The following KALRN variants were observed in gnomAD, a reference collection of about 807,000 sequenced individuals.
KALRN encodes kalirin RhoGEF kinase, also known as kalirin.
KALRN carries 70 observed loss-of-function variants against 353.7 expected under a neutral mutation model. The ratio of observed to expected loss-of-function variants is 0.20; its 90% CI spans 0.16 to 0.24. The LOEUF (loss-of-function observed/expected upper bound fraction) is 0.24. Ranked by LOEUF, KALRN falls within the 10% of genes least tolerant of loss-of-function variation. The pLI is 1.00. For missense variants in KALRN, 2,791 were observed against 3,756.7 expected (o/e 0.74, Z 6.72); for synonymous variants, 1,391 against 1,434.8 (o/e 0.97, Z 0.69).
chr3:124,207,110 G>A (rs958619062), intron 1 of KALRN, among the ~76,000 whole-genome samples: 6 of 152,214 alleles, frequency 3.9e-5, no homozygotes, highest in African/African-American at 1.4e-4. Context: ...CATCATCCAA[G>A]GTGAGGAGTC....
At chr3:124,431,695 TA>T (rs534714293) in intron 16 of KALRN, among the ~76,000 whole-genome samples, 90 of 150,190 alleles carry the variant, frequency 6.0e-4, no homozygotes, top group Admixed American at 1.0e-3. Flanking sequence ...TATCTTTTAC[TA>T]AAAAAAAAAT....
intron 3 of KALRN, among the ~76,000 whole-genome samples, chr3:124,253,823 A>T (rs754378): frequency 0.62 from 93,766 of 152,082 alleles, 31,734 homozygotes; most frequent in Non-Finnish European, 0.75. Flanking sequence ...CCCAGGCCAA[A>T]GGAACCAGCC....
intron 14 of KALRN, among the ~76,000 whole-genome samples, chr3:124,421,426 C>A (rs561670429): frequency 6.6e-6 from 1 of 152,278 alleles, no homozygotes; most frequent in Non-Finnish European, 1.5e-5. Context: ...TATTGTGTAT[C>A]ATGTACATAC....
In KALRN at chr3:124,671,752, C is replaced by T. The variant is rs146809556; in HGVS notation, c.6796C>T (p.Pro2266Ser). ...CAGGCTTCCCCAAGCCAGCCCCAGG[C>T]CCTACTCCTCTGTTCCTGCGGGCTC... ...PARLPQASPRPYSSVPAGSEK... is the reference protein window; with the variant it reads ...PARLPQASPRSYSSVPAGSEK... Residue 2266 changes from proline (P) to serine (S), a missense_variant, in exon 48 of 60, where the codon CCC becomes TCC. Pro to Ser is a moderately conservative substitution (Grantham distance 74). Coordinates refer to ENST00000682506, the MANE Select transcript of KALRN (RefSeq NM_001388419.1). 208 of 1,614,088 alleles carry T rather than the reference C, an allele frequency of 1.3e-4. No individual in the cohort carries two copies. In the East Asian group the frequency reaches 4.5e-3, roughly 35 times the overall value.
intron 6 of KALRN, among the ~76,000 whole-genome samples, chr3:124,304,142 A>T: frequency 6.6e-6 from 1 of 150,616 alleles, no homozygotes; most frequent in Non-Finnish European, 1.5e-5. Context: ...ACACACACAC[A>T]CACACACACA....
intron 9 of KALRN, among the ~76,000 whole-genome samples, chr3:124,338,404 A>G (rs1338971444): frequency 6.6e-6 from 1 of 152,194 alleles, no homozygotes; most frequent in Admixed American, 6.5e-5. Context: ...CCCAGTAGTC[A>G]TTCAGGAGCA....
chr3:124,540,925 T>TA (rs1418473356), intron 33 of KALRN, among the ~76,000 whole-genome samples: 3 of 152,214 alleles, frequency 2.0e-5, no homozygotes, highest in Non-Finnish European at 4.4e-5. Flanking sequence ...TTGTTCTCCC[T>TA]ATTACTCTGG....
intron 9 of KALRN, among the ~76,000 whole-genome samples, chr3:124,340,563 G>T (rs2081593974): frequency 6.6e-6 from 1 of 152,088 alleles, no homozygotes; most frequent in Non-Finnish European, 1.5e-5. Flanking sequence ...CACATGGAAT[G>T]GTACTTACAA....
At chr3:124,037,539 G>GA (rs939019274) in intron 1 of KALRN, among the ~76,000 whole-genome samples, 2 of 152,188 alleles carry the variant, frequency 1.3e-5, no homozygotes, top group Non-Finnish European at 2.9e-5. Context: ...CTTGAACAAT[G>GA]ACACATCATG....
At chr3:124,613,607 C>T (rs2149585604) in intron 34 of KALRN, among the ~76,000 whole-genome samples, 1 of 152,296 alleles carries the variant, frequency 6.6e-6, no homozygotes, top group Admixed American at 6.5e-5. Flanking sequence ...CAAATCCAGC[C>T]TCTCTACCCA....
At chr3:124,644,114 A>G (rs180792522) in intron 37 of KALRN, among the ~76,000 whole-genome samples, 3 of 152,252 alleles carry the variant, frequency 2.0e-5, no homozygotes, top group Admixed American at 6.5e-5. Flanking sequence ...TTTGACCTAC[A>G]TGTCCCGGTT....
chr3:124,217,055 G>T (rs2077406964), intron 1 of KALRN, among the ~76,000 whole-genome samples: 2 of 152,076 alleles, frequency 1.3e-5, no homozygotes, highest in Admixed American at 1.3e-4. Flanking sequence ...CTTAGAGCTG[G>T]AGTTTTAGTA....
At chr3:124,655,255 C>T (rs11920185) in intron 38 of KALRN, among the ~76,000 whole-genome samples, 17,190 of 152,230 alleles carry the variant, frequency 0.11, 1,053 homozygotes, top group African/African-American at 0.13. Flanking sequence ...GCAGTTTTGC[C>T]AAAATGGTTG....
chr3:124,612,165 C>T (rs1040543880), intron 34 of KALRN, among the ~76,000 whole-genome samples: 2 of 152,194 alleles, frequency 1.3e-5, no homozygotes, highest in Non-Finnish European at 1.5e-5. Context: ...GCTGGGATTA[C>T]AGGCATGCAC....
At chr3:124,644,875 G>T (rs1452658303) in intron 37 of KALRN, among the ~76,000 whole-genome samples, 1 of 152,076 alleles carries the variant, frequency 6.6e-6, no homozygotes, top group East Asian at 1.9e-4. Context: ...TGGTATTCCT[G>T]GTTCTAGATC....
At chr3:124,138,038 C>T (rs533183817) in intron 1 of KALRN, among the ~76,000 whole-genome samples, 11 of 152,258 alleles carry the variant, frequency 7.2e-5, no homozygotes, top group Non-Finnish European at 1.2e-4. Flanking sequence ...CCAGGGATCC[C>T]CAGTGGCCCC....
chr3:124,178,960 A>T (rs1054591704), intron 1 of KALRN, among the ~76,000 whole-genome samples: 3 of 152,144 alleles, frequency 2.0e-5, no homozygotes, highest in African/African-American at 7.2e-5. Flanking sequence ...TTAAAAAATT[A>T]GCTGGGTATG....
intron 5 of KALRN, among the ~76,000 whole-genome samples, chr3:124,296,488 G>A (rs139232563): frequency 7.3e-4 from 111 of 152,252 alleles, no homozygotes; most frequent in Middle Eastern, 3.4e-3. Context: ...CCAGGACTCC[G>A]GGTCCTCGCC....
intron 34 of KALRN, among the ~76,000 whole-genome samples, chr3:124,626,593 A>G (rs972016094): frequency 1.3e-5 from 2 of 152,120 alleles, no homozygotes; most frequent in Non-Finnish European, 1.5e-5. Flanking sequence ...TTGTCTTCCC[A>G]TTTACTTAAT....
Sources: allele counts gnomAD v4.1 joint callset (sites outside exome capture counted in the v4.1 genomes callset), GRCh38; gene constraint gnomAD v4.1.1; transcripts MANE v1.5; gene names NCBI Gene and HGNC (gene_info 2026-07-23, HGNC 2026-07-21).